Variants in KIF5C observed in about 807,000 individuals in gnomAD.
KIF5C encodes the protein kinesin heavy chain isoform 5C.
In KIF5C, 18 loss-of-function variants were observed where a neutral mutation model predicts 125.2. The observed-to-expected ratio is 0.14, with a 90% CI of 0.10 to 0.21. KIF5C has a LOEUF of 0.21. KIF5C is among the 10% of genes least tolerant of loss of function. KIF5C has a pLI of 1.00. For missense variants in KIF5C, 780 were observed against 1,183.8 expected (o/e 0.66, Z 5.01); for synonymous variants, 405 against 434.0 (o/e 0.93, Z 0.83).
chr2:148,941,750 A>T (rs1437656037), intron 5 of KIF5C, 92 bp downstream of exon 5: 10 of 1,500,950 alleles, frequency 6.7e-6, no homozygotes, highest in Non-Finnish European at 8.9e-6. Context: ...TAAGGAATTA[A>T]TGAAAATTTA....
In KIF5C at chr2:148,973,453, A is replaced by G; in HGVS notation, c.1235A>G (p.Glu412Gly). Residue 412 changes from glutamate to glycine, a missense_variant, in exon 12 of 26, where the codon GAG becomes GGG. Around this residue, in one of 2 missense-constraint regions of KIF5C, gnomAD observed 573 missense variants for 742.6 expected, o/e 0.77. Coordinates refer to ENST00000435030, the MANE Select transcript of KIF5C (RefSeq NM_004522.3). ...IAPVVAGIST[E>G]EKEKYDEEIS... ...CCTGTTGTTGCTGGCATCTCTACAG[A>G]GGAGAAAGAGAAGTACGATGAGGAG... 1 of 1,613,658 alleles carries G rather than the reference A, an allele frequency of 6.2e-7. No homozygotes were observed. The highest frequency in any genetic ancestry group is 8.5e-7 in the Non-Finnish European group (1 of 1,179,706).
chr2:148,935,224 G>A (rs1328370800), intron 3 of KIF5C, among the ~76,000 whole-genome samples: 1 of 152,214 alleles, frequency 6.6e-6, no homozygotes, highest in African/African-American at 2.4e-5. Context: ...CAAACAAAGA[G>A]ATGTCAGCAC....
Position 148,949,885 on chromosome 2 carries a change from A to G in KIF5C, c.761A>G (p.Asn254Ser). The change falls in exon 9 of 26, where the codon AAT becomes AGT. Residue 254 changes from asparagine to serine, a missense_variant. Coordinates refer to ENST00000435030, the MANE Select transcript of KIF5C (RefSeq NM_004522.3). ...AEGAVLDEAK[N>S]INKSLSALGN... The stretch of plus-strand genomic sequence containing the variant: ...GGAGCTGTTCTTGACGAAGCTAAAA[A>G]TATCAATAAGTCTTTGTCTGCTCTT... 6.2e-7 allele frequency: 1 copy of G among 1,613,890 alleles called. No individual in the cohort carries two copies. The highest frequency in any genetic ancestry group is 8.5e-7 in the Non-Finnish European group (1 of 1,179,854).
chr2:148,942,802 A>T, intron 7 of KIF5C, 42 bp downstream of exon 7: 1 of 1,581,834 alleles, frequency 6.3e-7, no homozygotes, highest in Non-Finnish European at 8.6e-7. Context: ...AGCTTGGGAG[A>T]CAGATATCTG....
At chr2:148,879,408 A>G (rs1466266870) in intron 1 of KIF5C, 4 of 152,338 alleles carry the variant, frequency 2.6e-5, no homozygotes, top group African/African-American at 7.2e-5. Flanking sequence ...AATTTTAAAG[A>G]TAAGTGCTGT....
At chr2:148,896,620 C>G (rs1307895443) in intron 1 of KIF5C, among the ~76,000 whole-genome samples, 2 of 152,154 alleles carry the variant, frequency 1.3e-5, no homozygotes, top group Admixed American at 6.5e-5. Flanking sequence ...AGGTAATTCT[C>G]TTAGCATCAT....
chr2:148,920,953 CATGAAG>C (rs916542995), intron 1 of KIF5C, among the ~76,000 whole-genome samples: 1 of 152,144 alleles, frequency 6.6e-6, no homozygotes, highest in African/African-American at 2.4e-5. Flanking sequence ...ATGTGGGGAA[CATGAAG>C]ATGAAGGGCC....
At chr2:148,956,678 G>T (rs1053491884) in intron 10 of KIF5C, among the ~76,000 whole-genome samples, 1 of 152,192 alleles carries the variant, frequency 6.6e-6, no homozygotes, top group Non-Finnish European at 1.5e-5. Context: ...TTAAAAGCAG[G>T]TCTTGCTGTT....
chr2:148,981,989 G>T (rs1348313049), intron 14 of KIF5C, among the ~76,000 whole-genome samples: 2 of 152,194 alleles, frequency 1.3e-5, no homozygotes, highest in African/African-American at 4.8e-5. Flanking sequence ...GACAGTTTAT[G>T]TAAAGCACTT....
At chr2:148,998,324 C>G in intron 18 of KIF5C, 76 bp from the exon 19 acceptor site, 1 of 1,544,834 alleles carries the variant, frequency 6.5e-7, no homozygotes, top group Non-Finnish European at 8.8e-7. Context: ...GGAGGTAGGT[C>G]CAGATCCAGG....
intron 10 of KIF5C, among the ~76,000 whole-genome samples, chr2:148,960,818 T>C (rs1016187403): frequency 2.0e-5 from 3 of 152,222 alleles, no homozygotes; most frequent in Non-Finnish European, 4.4e-5. Context: ...GTAAGAACTG[T>C]TGGAAGTTCA....
At position 149,024,210 on chromosome 2, in the gene KIF5C, C is replaced by T. The variant is rs1682615960; in HGVS notation, c.*1140C>T. On this transcript the variant is annotated 3_prime_UTR_variant, in exon 26 of 26. Transcript: ENST00000435030. ...ATGGATATTTTACATTTAGTTATTG[C>T]TTTATCCAAATACATGAATCTAAAG... The T allele has an allele frequency of 1.3e-5, 2 of 152,584 alleles. No individual in the cohort carries two copies. The highest frequency in any genetic ancestry group is 4.8e-5 in the African/African-American group (2 of 41,448). The allele number at this position is 152,584 out of a possible 1,614,324, so 9.5% of individuals were successfully genotyped here.
intron 12 of KIF5C, among the ~76,000 whole-genome samples, chr2:148,976,605 T>A (rs557376593): frequency 6.7e-6 from 1 of 150,310 alleles, no homozygotes; most frequent in South Asian, 2.1e-4. Context: ...GATGGGGTCT[T>A]GTTCTGTTGC....
rs545218640 is a variant in KIF5C, at chr2:149,006,040, C to T, written c.2445+576C>T. Among the ~76,000 whole-genome samples, 86 of 152,308 alleles carry T rather than the reference C, an allele frequency of 5.6e-4. No individual in the cohort carries two copies. The Middle Eastern group carries it at 0.017, about 30-fold the overall frequency. ...CCAGAGATAGGTCTGGAACCCAGGC[C>T]TGCGGGGTCTCTGGATCTGAGCTTC... On this transcript the variant is annotated intron_variant, in intron 22 of 25. Transcript: ENST00000435030.
intron 1 of KIF5C, among the ~76,000 whole-genome samples, chr2:148,920,210 T>C (rs544706527): frequency 6.6e-6 from 1 of 152,352 alleles, no homozygotes; most frequent in South Asian, 2.1e-4. Context: ...ACGCTTTACT[T>C]TGGTGATTCT....
At chr2:148,899,293 T>C (rs1680791243) in intron 1 of KIF5C, among the ~76,000 whole-genome samples, 1 of 152,220 alleles carries the variant, frequency 6.6e-6, no homozygotes, top group Non-Finnish European at 1.5e-5. Flanking sequence ...TAAATACCAT[T>C]GGCAATGTCA....
At chr2:148,931,919 T>C (rs1310574261) in intron 3 of KIF5C, among the ~76,000 whole-genome samples, 1 of 152,218 alleles carries the variant, frequency 6.6e-6, no homozygotes, top group Non-Finnish European at 1.5e-5. Flanking sequence ...TTGTGACTTT[T>C]GCAGATCACA....
chr2:148,878,801 G>A (rs1210061045), intron 1 of KIF5C: 1 of 152,202 alleles, frequency 6.6e-6, no homozygotes, highest in Non-Finnish European at 1.5e-5. Flanking sequence ...GATGACCAAA[G>A]AAGCCCAGAT....
chr2:148,923,177 A>T (rs961631724), intron 2 of KIF5C, among the ~76,000 whole-genome samples: 13 of 152,244 alleles, frequency 8.5e-5, no homozygotes, highest in African/African-American at 3.1e-4. Flanking sequence ...AACTAAAAAA[A>T]CCTACCATGT....
Sources: gnomAD v4.1 joint callset for allele counts (sites outside exome capture counted in the v4.1 genomes callset) on GRCh38, gnomAD v4.1.1 for gene constraint, gnomAD v4.1.1 regional missense constraint, MANE v1.5 for transcripts, NCBI Gene and HGNC (gene_info 2026-07-23, HGNC 2026-07-21) for gene names.